GRIK2: variants seen among roughly 807,000 people sequenced by gnomAD.
GRIK2 encodes glutamate receptor ionotropic, kainate 2.
Under a neutral mutation model 100.3 loss-of-function variants are expected in GRIK2, and 32 were observed. The ratio of observed to expected loss-of-function variants is 0.32; its 90% CI spans 0.24 to 0.43. The LOEUF (loss-of-function observed/expected upper bound fraction) is 0.43. Among genes scored for constraint, GRIK2 ranks in the 20% least tolerant of loss-of-function variants. The pLI, the probability that GRIK2 is intolerant of heterozygous loss-of-function variation, is 1.00. For synonymous variants in GRIK2, 417 were observed against 389.4 expected, an observed-to-expected ratio of 1.07 and a Z score of -0.83; for missense variants, 843 against 1,114.9, an observed-to-expected ratio of 0.76 and a Z score of 3.47.
intron 7 of GRIK2, among the ~76,000 whole-genome samples, chr6:101,787,159 T>C (rs1779480938): frequency 6.6e-6 from 1 of 151,982 alleles, no homozygotes; most frequent in Non-Finnish European, 1.5e-5. Context: ...TGTTATCTAT[T>C]GTAATGTCCA....
At chr6:101,717,501 T>C (rs540521345) in intron 7 of GRIK2, among the ~76,000 whole-genome samples, 1 of 151,942 alleles carries the variant, frequency 6.6e-6, no homozygotes, top group East Asian at 1.9e-4. Context: ...AATTAATTCC[T>C]TGAGTATGTT....
intron 13 of GRIK2, among the ~76,000 whole-genome samples, chr6:101,926,211 T>G (rs568197807): frequency 1.3e-5 from 2 of 149,522 alleles, no homozygotes; most frequent in East Asian, 3.9e-4. Context: ...TTTTTTTTTT[T>G]TTTTTTTTCC....
At chr6:101,760,498 A>G (rs189948078) in intron 7 of GRIK2, among the ~76,000 whole-genome samples, 10 of 54,314 alleles carry the variant, frequency 1.8e-4, no homozygotes, top group Admixed American at 3.6e-4. Context: ...AATTAATTAT[A>G]TTTAATTATA....
chr6:101,410,374 A>G (rs1775831644), intron 2 of GRIK2, among the ~76,000 whole-genome samples: 1 of 152,068 alleles, frequency 6.6e-6, no homozygotes, highest in Non-Finnish European at 1.5e-5. Flanking sequence ...GTTGTTTGAG[A>G]TGGATGTATG....
intron 7 of GRIK2, among the ~76,000 whole-genome samples, chr6:101,767,490 A>G (rs57847212): frequency 0.15 from 22,553 of 152,176 alleles, 3,594 homozygotes; most frequent in African/African-American, 0.4. Flanking sequence ...TAAATAATGT[A>G]CATTTTAAGA....
At chr6:101,852,601 A>G (rs1177259564) in intron 10 of GRIK2, among the ~76,000 whole-genome samples, 1 of 152,166 alleles carries the variant, frequency 6.6e-6, no homozygotes, top group Non-Finnish European at 1.5e-5. Context: ...CATTTTGCCG[A>G]GTAAATCGCT....
At chr6:101,704,618 C>T (rs1332474926) in intron 7 of GRIK2, among the ~76,000 whole-genome samples, 4 of 151,456 alleles carry the variant, frequency 2.6e-5, no homozygotes, top group African/African-American at 7.3e-5. Context: ...AATTGAATCT[C>T]GCCATTATTT....
chr6:101,603,608 G>A (rs1779319672), intron 2 of GRIK2, among the ~76,000 whole-genome samples: 1 of 151,806 alleles, frequency 6.6e-6, no homozygotes, highest in African/African-American at 2.4e-5. Context: ...CTTTTGGCAA[G>A]AACTTCATAA....
At position 101,484,642 on chromosome 6, in the gene GRIK2, A is replaced by G. The variant is rs148175132; in HGVS notation, c.115+85250A>G. Among the ~76,000 whole-genome samples the G allele has an allele frequency of 5.3e-3, 801 of 152,126 alleles. 1 individual carries two copies. The highest frequency in any genetic ancestry group is 8.4e-3 in the Non-Finnish European group (574 of 67,980). On this transcript the variant is annotated intron_variant, in intron 2 of 16. Transcript: ENST00000369134. The stretch of plus-strand genomic sequence containing the variant: ...TGTCTAGGTAGGTAATGTTAAGATA[A>G]TATTGAAGCAACCATCTCAAAGGCA...
chr6:101,868,864 C>T (rs1352069378), intron 11 of GRIK2, among the ~76,000 whole-genome samples: 1 of 151,744 alleles, frequency 6.6e-6, no homozygotes, highest in Non-Finnish European at 1.5e-5. Flanking sequence ...ATTCATTAAG[C>T]ATTTTTGTGC....
intron 14 of GRIK2, among the ~76,000 whole-genome samples, chr6:101,977,461 A>G (rs1030425698): frequency 4.6e-5 from 7 of 151,972 alleles, no homozygotes; most frequent in African/African-American, 1.7e-4. Context: ...GATATTTGGT[A>G]GGAAACTCAT....
chr6:101,396,225 G>A (rs1311857083), intron 1 of GRIK2, among the ~76,000 whole-genome samples: 1 of 149,246 alleles, frequency 6.7e-6, no homozygotes, highest in Non-Finnish European at 1.5e-5. Context: ...TGTAGTATAG[G>A]GATGTAAATT....
At position 101,467,930 on chromosome 6, in the gene GRIK2, TA is replaced by T. The variant is rs139222605; in HGVS notation, c.115+68539del. ...TTTCATTTTTTGCATGCCCACGATA[TA>T]TTTTTTTTTTTAATCTGGCAAGGAT... On this transcript the variant is annotated intron_variant, in intron 2 of 16. Transcript: ENST00000369134. Among the ~76,000 whole-genome samples the T allele has an allele frequency of 4.4e-3, 653 of 147,928 alleles. 3 individuals carry two copies. Among genetic ancestry groups the T allele is most frequent in the African/African-American group, 0.014 (557 of 39,550 alleles).
chr6:101,726,873 G>A (rs931867158), intron 7 of GRIK2, among the ~76,000 whole-genome samples: 4 of 151,868 alleles, frequency 2.6e-5, no homozygotes, highest in Non-Finnish European at 5.9e-5. Context: ...CCACAACATA[G>A]GAATCAAGTC....
chr6:101,814,936 C>T (rs772186208), intron 9 of GRIK2, among the ~76,000 whole-genome samples: 12 of 152,206 alleles, frequency 7.9e-5, no homozygotes, highest in African/African-American at 1.4e-4. Context: ...ATGTTGAATA[C>T]TTTTTCATTT....
chr6:101,953,314 A>G (rs1791718530), intron 14 of GRIK2, among the ~76,000 whole-genome samples: 1 of 152,188 alleles, frequency 6.6e-6, no homozygotes, highest in African/African-American at 2.4e-5. Flanking sequence ...TGGTAAATAT[A>G]TGTTTAACCA....
chr6:101,908,224 T>C (rs1788376812), intron 12 of GRIK2, among the ~76,000 whole-genome samples: 1 of 93,050 alleles, frequency 1.1e-5, no homozygotes, highest in Non-Finnish European at 2.3e-5. Flanking sequence ...TAATAAGAAA[T>C]TGTTGAGTCA....
intron 7 of GRIK2, among the ~76,000 whole-genome samples, chr6:101,765,633 G>A (rs1438588580): frequency 6.6e-6 from 1 of 152,056 alleles, no homozygotes; most frequent in African/African-American, 2.4e-5. Flanking sequence ...TATGCTGTCT[G>A]GAGAAGTCAC....
At chr6:102,024,419 G>A (rs1769585302) in intron 14 of GRIK2, among the ~76,000 whole-genome samples, 1 of 151,272 alleles carries the variant, frequency 6.6e-6, no homozygotes, top group Non-Finnish European at 1.5e-5. Flanking sequence ...ATCAGGGCAA[G>A]TCTCCCTTTT....
Sources: allele counts gnomAD v4.1 joint callset (sites outside exome capture counted in the v4.1 genomes callset), GRCh38; gene constraint gnomAD v4.1.1; transcripts MANE v1.5; gene names NCBI Gene and HGNC (gene_info 2026-07-23, HGNC 2026-07-21).